HERC1: variants seen among roughly 807,000 people sequenced by gnomAD.
HERC1 encodes probable E3 ubiquitin-protein ligase HERC1.
Under a neutral mutation model 554.3 loss-of-function variants are expected in HERC1, and 160 were observed. The observed-to-expected ratio is 0.29, with a 90% CI of 0.25 to 0.33. The LOEUF (loss-of-function observed/expected upper bound fraction) is 0.33, where lower values mean the gene tolerates loss of function less well. Ranked by LOEUF, HERC1 falls within the 10% of genes least tolerant of loss-of-function variation. The probability of loss-of-function intolerance (pLI) is 1.00; values close to 1 mark genes in which losing one functional copy is unlikely to be tolerated. For missense variants in HERC1, 4,919 were observed against 5,918.5 expected, an observed-to-expected ratio of 0.83 and a Z score of 5.54; for synonymous variants, 2,175 against 2,131.7, an observed-to-expected ratio of 1.02 and a Z score of -0.56.
chr15:63,721,659 AT>A (rs2073828011), intron 19 of HERC1, among the ~76,000 whole-genome samples: 1 of 152,214 alleles, frequency 6.6e-6, no homozygotes, highest in Admixed American at 6.5e-5. Context: ...AAATGTATTT[AT>A]TTTTGCCATT....
At position 63,758,456 on chromosome 15, in the gene HERC1, C is replaced by T. The variant is rs1289459968; in HGVS notation, c.1027-87G>A. On this transcript the variant is annotated intron_variant, in intron 3 of 77. Transcript: ENST00000443617. This position sits in a 1 kb window ranked among gnomAD's most constrained non-coding sequence, Gnocchi z 4.0. Reference sequence around the variant, plus strand: ...TACATATCCTCTGAAATTACTGTTGCCTTTCCTTCCAACACTCTCAAATGC... The same window carrying T: ...TACATATCCTCTGAAATTACTGTTGTCTTTCCTTCCAACACTCTCAAATGC... 2.3e-6 allele frequency: 2 copies of T among 866,186 alleles called. No homozygotes were observed. Among genetic ancestry groups the T allele is most frequent in the African/African-American group, 1.7e-5 (1 of 59,380 alleles). The allele number at this position is 866,186 out of a possible 1,614,324, so 53.7% of individuals were successfully genotyped here.
rs2071430440 is a variant in HERC1 at position 63,680,594 on chromosome 15, G to T, written c.6408C>A (p.Phe2136Leu). 6.2e-7 allele frequency: 1 copy of T among 1,613,602 alleles called. No individual in the cohort carries two copies. Among genetic ancestry groups the T allele is most frequent in the Non-Finnish European group, 8.5e-7 (1 of 1,179,706 alleles). The part of the protein sequence containing the change: ...LTLSSFTQGD[F>L]ITCVLDMEAR... ...CTTCCATGTCTAACACACAGGTAAT[G>T]AAATCTCCTTGAGTAAAGCTGGACA... is the stretch of plus-strand genomic sequence containing the variant. The change falls in exon 35 of 78, where the codon TTC becomes TTA. Residue 2136 changes from phenylalanine to leucine, a missense_variant. By Grantham distance (22) the Phe-to-Leu change is conservative (BLOSUM62 0). Transcript: ENST00000443617. This position sits in a 1 kb window ranked among gnomAD's most constrained non-coding sequence, Gnocchi z 5.8.
At chr15:63,832,154 T>G (rs895546241) in intron 1 of HERC1, among the ~76,000 whole-genome samples, 2 of 152,214 alleles carry the variant, frequency 1.3e-5, no homozygotes, top group East Asian at 3.8e-4. Flanking sequence ...GTCATGTGAT[T>G]TGGGGGAAAT....
chr15:63,633,822 A>C (rs771816040), intron 67 of HERC1, 26 bp downstream of exon 67: 3 of 1,607,512 alleles, frequency 1.9e-6, no homozygotes, highest in Non-Finnish European at 2.5e-6. Flanking sequence ...TGTTGTCTGA[A>C]AACCTAGACT....
intron 64 of HERC1, among the ~76,000 whole-genome samples, chr15:63,636,825 C>T (rs558198911): frequency 5.3e-5 from 8 of 152,242 alleles, no homozygotes; most frequent in East Asian, 1.9e-4. Context: ...AAAGAGGTCT[C>T]GAAGCTTGTG....
intron 1 of HERC1, among the ~76,000 whole-genome samples, chr15:63,824,429 GAGGCCA>G (rs1380453338): frequency 6.6e-6 from 1 of 151,250 alleles, no homozygotes; most frequent in East Asian, 1.9e-4. Flanking sequence ...AGCTACTTAG[GAGGCCA>G]AGGCAGGAGA....
At chr15:63,623,363 A>G (rs2068167164) in intron 73 of HERC1, among the ~76,000 whole-genome samples, 1 of 152,218 alleles carries the variant, frequency 6.6e-6, no homozygotes, top group African/African-American at 2.4e-5. Context: ...GGAATCTGGC[A>G]GTTCTACTTT....
intron 2 of HERC1, among the ~76,000 whole-genome samples, chr15:63,768,752 G>A (rs2075860976): frequency 6.6e-6 from 1 of 152,142 alleles, no homozygotes; most frequent in Non-Finnish European, 1.5e-5. Flanking sequence ...TTTAAATCTA[G>A]GCTCCATCCC....
intron 24 of HERC1, among the ~76,000 whole-genome samples, chr15:63,708,623 T>C (rs8037046): frequency 0.5 from 76,730 of 152,020 alleles, 20,291 homozygotes; most frequent in African/African-American, 0.56. Context: ...TAACAGTAGA[T>C]AACACGTCAT....
At position 63,734,342 on chromosome 15, in the gene HERC1, T is replaced by A. The variant is rs770933087; in HGVS notation, c.2646+382A>T. Reference sequence around the variant, plus strand: ...TGGAAAGAAAAGTATACTCATATTATCAAATACTTTTTCCTAATAGTCATC... The same window carrying A: ...TGGAAAGAAAAGTATACTCATATTAACAAATACTTTTTCCTAATAGTCATC... On this transcript the variant is annotated intron_variant, in intron 13 of 77. Coordinates refer to ENST00000443617, the MANE Select transcript of HERC1 (RefSeq NM_003922.4). The surrounding 1 kb of genome is among the most constrained non-coding windows in gnomAD (Gnocchi z 4.6). 3.9e-5 allele frequency among the ~76,000 whole-genome samples: 6 copies of A among 152,182 alleles called. No homozygotes were observed. Among genetic ancestry groups the A allele is most frequent in the Admixed American group, 3.9e-4 (6 of 15,270 alleles).
chr15:63,829,521 TA>T (rs1445807396), intron 1 of HERC1, among the ~76,000 whole-genome samples: 24 of 56,416 alleles, frequency 4.3e-4, no homozygotes, highest in African/African-American at 1.3e-3. Context: ...CATATATAAA[TA>T]ATATGTGTGC....
rs2068664197 is a variant in HERC1, at chr15:63,633,727, T to C, written c.12693+121A>G. On this transcript the variant is annotated intron_variant, in intron 67 of 77. Transcript: ENST00000443617. ...TTCAAGAATGCACAACAGAAGCTTC[T>C]AAACTTCATTATGAACTACCAAAAG... 1.2e-5 allele frequency: 13 copies of C among 1,061,394 alleles called. 1 individual carries two copies. In the South Asian group the frequency reaches 2.2e-4, roughly 18 times the overall value. The allele number at this position is 1,061,394 out of a possible 1,614,324, so 65.7% of individuals were successfully genotyped here.
chr15:63,696,399 T>A lies in HERC1; in HGVS notation c.4906-60A>T, dbSNP rs1020845512. On this transcript the variant is annotated intron_variant, in intron 26 of 77. Transcript: ENST00000443617. The stretch of plus-strand genomic sequence containing the variant: ...TTAACTCAGACATGATGAAACTCTG[T>A]ATGCCAAAAACAGTATTTTTAACAC... The A allele has an allele frequency of 9.1e-6, 11 of 1,207,942 alleles. No individual in the cohort carries two copies. The Admixed American group carries it at 2.0e-4, about 22-fold the overall frequency. The allele number at this position is 1,207,942 out of a possible 1,614,324, so 74.8% of individuals were successfully genotyped here. A position where few individuals can be genotyped will look rare whatever the true frequency, so the allele number is the denominator to read the frequency against.
intron 62 of HERC1, 76 bp downstream of exon 62, chr15:63,638,635 G>C: frequency 6.3e-7 from 1 of 1,582,206 alleles, no homozygotes; most frequent in South Asian, 1.1e-5. Flanking sequence ...GGAGACACCA[G>C]GGCACAAACA....
intron 42 of HERC1, 21 bp downstream of exon 42, chr15:63,665,898 G>A: frequency 6.3e-7 from 1 of 1,577,744 alleles, no homozygotes; most frequent in Non-Finnish European, 8.7e-7. Flanking sequence ...TGGAACAAAA[G>A]TACAGAAACT....
chr15:63,613,405 C>T (rs374154519), intron 76 of HERC1, among the ~76,000 whole-genome samples: 11 of 152,218 alleles, frequency 7.2e-5, no homozygotes, highest in East Asian at 3.9e-4. Flanking sequence ...CAATATTATA[C>T]AGTAGTGCAT....
intron 74 of HERC1, among the ~76,000 whole-genome samples, chr15:63,619,391 G>A (rs2067967851): frequency 6.6e-6 from 1 of 152,052 alleles, no homozygotes; most frequent in African/African-American, 2.4e-5. Flanking sequence ...TGCTGGATTC[G>A]GTTTGCCAGT....
chr15:63,673,169 A>T (rs942825330), intron 38 of HERC1, among the ~76,000 whole-genome samples: 2 of 152,204 alleles, frequency 1.3e-5, no homozygotes, highest in Admixed American at 6.5e-5. Context: ...CAATTTCATT[A>T]AAAAACCCAC....
At chr15:63,796,123 A>G (rs1412285665) in intron 1 of HERC1, among the ~76,000 whole-genome samples, 1 of 152,232 alleles carries the variant, frequency 6.6e-6, no homozygotes, top group Admixed American at 6.5e-5. Context: ...AGAAGTTACT[A>G]TTTATTCCTA....
Sources: allele counts gnomAD v4.1 joint callset (sites outside exome capture counted in the v4.1 genomes callset), GRCh38; gene constraint gnomAD v4.1.1; non-coding constraint Gnocchi (gnomAD v3.1); transcripts MANE v1.5; gene names NCBI Gene and HGNC (gene_info 2026-07-23, HGNC 2026-07-21).